NEK1: variants seen among roughly 807,000 people sequenced by gnomAD.
NEK1 encodes the protein serine/threonine-protein kinase Nek1.
A neutral mutation model predicts 182.1 loss-of-function variants in NEK1; 137 were observed. That is an observed-to-expected ratio of 0.75 (90% CI 0.65 to 0.87). The LOEUF (loss-of-function observed/expected upper bound fraction) is 0.87. Among genes scored for constraint, NEK1 ranks in the 40% least tolerant of loss-of-function variants. The pLI, the probability that NEK1 is intolerant of heterozygous loss-of-function variation, is 0.00. For synonymous variants in NEK1, 513 were observed against 492.2 expected (o/e 1.04, Z -0.56); for missense variants, 1,391 against 1,494.4 (o/e 0.93, Z 1.14).
chr4:169,449,769 T>TCCTCC (rs1741339737), intron 27 of NEK1, among the ~76,000 whole-genome samples: 1 of 152,142 alleles, frequency 6.6e-6, no homozygotes, highest in African/African-American at 2.4e-5. Context: ...GCACCTCCTC[T>TCCTCC]CCTCCAAAGA....
chr4:169,468,511 A>C (rs1036378193), intron 26 of NEK1, among the ~76,000 whole-genome samples: 1 of 152,188 alleles, frequency 6.6e-6, no homozygotes, highest in Non-Finnish European at 1.5e-5. Context: ...AACTCTAATA[A>C]ATAATTACAT....
chr4:169,510,203 C>T (rs1277869487), intron 19 of NEK1, among the ~76,000 whole-genome samples: 1 of 152,158 alleles, frequency 6.6e-6, no homozygotes, highest in Non-Finnish European at 1.5e-5. Flanking sequence ...CATCCCCAGG[C>T]TTTAACATAT....
chr4:169,541,220 G>A (rs1409960694), intron 18 of NEK1, among the ~76,000 whole-genome samples: 1 of 152,120 alleles, frequency 6.6e-6, no homozygotes, highest in Admixed American at 6.6e-5. Flanking sequence ...GCATGTCGAT[G>A]TAATGGAACG....
At chr4:169,441,088 A>ACAGTCC (rs2149434974) in intron 27 of NEK1, among the ~76,000 whole-genome samples, 1 of 152,286 alleles carries the variant, frequency 6.6e-6, no homozygotes, top group East Asian at 1.9e-4. Flanking sequence ...TAGCCCACAT[A>ACAGTCC]CAGTCCTACA....
At chr4:169,415,925 A>G (rs1438536934) in intron 31 of NEK1, among the ~76,000 whole-genome samples, 1 of 152,206 alleles carries the variant, frequency 6.6e-6, no homozygotes, top group Admixed American at 6.5e-5. Flanking sequence ...TGGCTAAGGA[A>G]CTGCTTGTGA....
chr4:169,439,262 T>C (rs1019179021), intron 27 of NEK1, among the ~76,000 whole-genome samples: 13 of 152,218 alleles, frequency 8.5e-5, no homozygotes, highest in Non-Finnish European at 1.2e-4. Flanking sequence ...TTTAAATTCA[T>C]TGTTTCTAAA....
At position 169,415,796 on chromosome 4, in the gene NEK1, T is replaced by G. The variant is rs79190269; in HGVS notation, c.3222+8757A>C. On this transcript the variant is annotated intron_variant, in intron 31 of 35. Transcript: ENST00000507142. ...TCTGTATGGATGCTTAAACATGTAATTCAGTTTACTGTCATTACATCTTAG... is the reference window on the plus strand; with the variant it reads ...TCTGTATGGATGCTTAAACATGTAAGTCAGTTTACTGTCATTACATCTTAG... Among the ~76,000 whole-genome samples the G allele has an allele frequency of 2.5e-3, 375 of 152,296 alleles. 2 individuals are homozygous for G. Among genetic ancestry groups the G allele is most frequent in the Middle Eastern group, 6.8e-3 (2 of 294 alleles).
intron 18 of NEK1, chr4:169,554,763 G>C (rs533786933): frequency 1.3e-5 from 2 of 152,252 alleles, no homozygotes; most frequent in Admixed American, 6.5e-5. Context: ...TTCGTCAAAA[G>C]CCATGGAGTG....
chr4:169,429,830 TTCTG>T (rs1177139478), intron 29 of NEK1, among the ~76,000 whole-genome samples: 7 of 152,198 alleles, frequency 4.6e-5, no homozygotes, highest in Non-Finnish European at 7.3e-5. Flanking sequence ...TCCCTTGGAC[TTCTG>T]TCTTTTTCTT....
chr4:169,457,663 AGAAGGAAGGAAG>A (rs112292744), intron 27 of NEK1, among the ~76,000 whole-genome samples: 1 of 128,330 alleles, frequency 7.8e-6, no homozygotes, highest in African/African-American at 3.0e-5. Flanking sequence ...GCAGGGGGAG[AGAAGGAAGGAAG>A]GAAGGAAGGA....
At position 169,570,504 on chromosome 4, in the gene NEK1, T is replaced by TG. The variant is rs1337630266; in HGVS notation, c.1020+6423dup. Among the ~76,000 whole-genome samples the TG allele has an allele frequency of 1.1e-3, 150 of 137,012 alleles. 1 individual carries two copies. The East Asian group carries it at 0.019, about 17-fold the overall frequency. The allele number at this position is 137,012 out of a possible 152,430, so 89.9% of individuals were successfully genotyped here. Reference sequence around the variant, plus strand: ...CCAGCCGCCCCGTCCGGAAGGGAGGTGGGGGGGTCAGCCCCCCGCCCGGCC... The same window carrying TG: ...CCAGCCGCCCCGTCCGGAAGGGAGGTGGGGGGGGTCAGCCCCCCGCCCGGCC... On this transcript the variant is annotated intron_variant, in intron 12 of 35. Transcript: ENST00000507142.
At chr4:169,507,863 A>G (rs899488508) in intron 21 of NEK1, 71 bp from the exon 22 acceptor site, 3 of 1,065,006 alleles carry the variant, frequency 2.8e-6, no homozygotes, top group African/African-American at 3.2e-5. Flanking sequence ...TCTGTGAAAG[A>G]TAACAATGAA....
intron 30 of NEK1, among the ~76,000 whole-genome samples, chr4:169,425,178 T>C (rs1341681085): frequency 6.8e-6 from 1 of 147,938 alleles, no homozygotes; most frequent in Non-Finnish European, 1.5e-5. Flanking sequence ...CCACAAAAAA[T>C]AAAATAAAAT....
At chr4:169,565,240 T>C (rs914261530) in intron 12 of NEK1, among the ~76,000 whole-genome samples, 17 of 152,218 alleles carry the variant, frequency 1.1e-4, no homozygotes, top group African/African-American at 3.6e-4. Context: ...ATATTTCCCA[T>C]CTGGACTCAG....
At chr4:169,468,968 CCT>C (rs1196209150) in intron 26 of NEK1, among the ~76,000 whole-genome samples, 1 of 152,016 alleles carries the variant, frequency 6.6e-6, no homozygotes, top group Admixed American at 6.6e-5. Flanking sequence ...GGTGATATCC[CCT>C]TTATCATTTT....
At chr4:169,577,343 C>A (rs1765855528) in intron 11 of NEK1, among the ~76,000 whole-genome samples, 2 of 151,460 alleles carry the variant, frequency 1.3e-5, no homozygotes, top group Non-Finnish European at 1.5e-5. Flanking sequence ...CTGAAATTGA[C>A]TGTGAGTGAT....
At chr4:169,607,326 CAAACATGAAGTTA>C (rs1347809813) in intron 2 of NEK1, among the ~76,000 whole-genome samples, 1 of 152,054 alleles carries the variant, frequency 6.6e-6, no homozygotes, top group Non-Finnish European at 1.5e-5. Context: ...ACAAATGACT[CAAACATGAAGTTA>C]CTAATAGAGG....
intron 19 of NEK1, among the ~76,000 whole-genome samples, chr4:169,537,298 C>T (rs1214434814): frequency 6.6e-6 from 1 of 152,164 alleles, no homozygotes; most frequent in African/African-American, 2.4e-5. Context: ...TTCTTGGATA[C>T]ATAACTTAAT....
chr4:169,486,548 A>C (rs904448443), intron 23 of NEK1, among the ~76,000 whole-genome samples: 2 of 152,240 alleles, frequency 1.3e-5, no homozygotes, highest in African/African-American at 4.8e-5. Context: ...GTAATTTCAC[A>C]CAGTTTTATA....
Sources: allele counts gnomAD v4.1 joint callset (sites outside exome capture counted in the v4.1 genomes callset), GRCh38; gene constraint gnomAD v4.1.1; transcripts MANE v1.5; gene names NCBI Gene and HGNC (gene_info 2026-07-23, HGNC 2026-07-21).